ATRNL1: variants seen among roughly 807,000 people sequenced by gnomAD.
ATRNL1 encodes attractin like 1.
Under a neutral mutation model 182.7 loss-of-function variants are expected in ATRNL1, and 95 were observed. The observed-to-expected ratio is 0.52, with a 90% CI of 0.44 to 0.62. The LOEUF (loss-of-function observed/expected upper bound fraction) is 0.62. Ranked by LOEUF, ATRNL1 falls within the 20% of genes least tolerant of loss-of-function variation. The pLI, the probability that ATRNL1 is intolerant of heterozygous loss-of-function variation, is 0.00. For missense variants in ATRNL1, 1,471 were observed against 1,679.5 expected (o/e 0.88, Z 2.17); for synonymous variants, 576 against 568.3 (o/e 1.01, Z -0.19).
intron 20 of ATRNL1, among the ~76,000 whole-genome samples, chr10:115,398,553 A>C (rs1306211735): frequency 1.3e-5 from 2 of 151,826 alleles, no homozygotes; most frequent in Non-Finnish European, 2.9e-5. Flanking sequence ...ATTTTTGCAC[A>C]TTGTATCCTG....
intron 24 of ATRNL1, among the ~76,000 whole-genome samples, chr10:115,470,233 T>C (rs1848241413): frequency 6.9e-6 from 1 of 144,684 alleles, no homozygotes; most frequent in Non-Finnish European, 1.6e-5. Context: ...GAAAAAATTT[T>C]TCTTCTTATT....
chr10:115,802,021 A>AACACACACAC (rs60513803), intron 27 of ATRNL1, among the ~76,000 whole-genome samples: 1,567 of 125,972 alleles, frequency 0.012, 29 homozygotes, highest in African/African-American at 0.029. Context: ...AAAAAAAAGA[A>AACACACACAC]ACACACACAC....
At chr10:115,847,291 A>G (rs1950951215) in intron 27 of ATRNL1, among the ~76,000 whole-genome samples, 1 of 152,044 alleles carries the variant, frequency 6.6e-6, no homozygotes, top group Non-Finnish European at 1.5e-5. Context: ...TATAGATCTA[A>G]TGTAAGCAGG....
At chr10:115,669,156 T>C (rs2532733) in intron 26 of ATRNL1, among the ~76,000 whole-genome samples, 37,813 of 152,052 alleles carry the variant, frequency 0.25, 4,881 homozygotes, top group East Asian at 0.38. Flanking sequence ...TTTAAAGTGG[T>C]CCACTACCCC....
At chr10:115,667,031 C>T (rs2133918502) in intron 26 of ATRNL1, among the ~76,000 whole-genome samples, 1 of 152,210 alleles carries the variant, frequency 6.6e-6, no homozygotes, top group Non-Finnish European at 1.5e-5. Context: ...AATAGCACAG[C>T]TTTTATATGA....
At chr10:115,541,318 T>G (rs1554991913) in intron 25 of ATRNL1, among the ~76,000 whole-genome samples, 1 of 152,186 alleles carries the variant, frequency 6.6e-6, no homozygotes, top group Non-Finnish European at 1.5e-5. Context: ...GTGCTCAACT[T>G]AATTTTTATC....
At chr10:115,122,350 C>T (rs1274301489) in intron 3 of ATRNL1, among the ~76,000 whole-genome samples, 1 of 151,628 alleles carries the variant, frequency 6.6e-6, no homozygotes, top group Non-Finnish European at 1.5e-5. Flanking sequence ...AAAATTATAG[C>T]ATTGTATCAA....
chr10:115,254,712 T>C (rs1409585185), intron 10 of ATRNL1, among the ~76,000 whole-genome samples: 2 of 152,226 alleles, frequency 1.3e-5, no homozygotes, highest in Non-Finnish European at 2.9e-5. Flanking sequence ...TCCTTGCCCA[T>C]GCCTATGTCC....
chr10:115,423,630 A>T (rs1430686636), intron 20 of ATRNL1, among the ~76,000 whole-genome samples: 1 of 152,206 alleles, frequency 6.6e-6, no homozygotes, highest in Non-Finnish European at 1.5e-5. Flanking sequence ...AAATACACGC[A>T]TGTATACCAT....
At chr10:115,846,406 C>T (rs888902297) in intron 27 of ATRNL1, among the ~76,000 whole-genome samples, 19 of 151,960 alleles carry the variant, frequency 1.3e-4, no homozygotes, top group Non-Finnish European at 7.4e-5. Flanking sequence ...TTTCTAGAAA[C>T]GACAGTATTC....
intron 28 of ATRNL1, among the ~76,000 whole-genome samples, chr10:115,875,614 T>C (rs1466984481): frequency 2.6e-5 from 4 of 152,218 alleles, no homozygotes; most frequent in African/African-American, 9.6e-5. Context: ...CTTATGTGCA[T>C]TGAGTACCTA....
chr10:115,490,800 G>A (rs782630884), intron 24 of ATRNL1, among the ~76,000 whole-genome samples: 62 of 152,264 alleles, frequency 4.1e-4, no homozygotes, highest in Admixed American at 1.8e-3. Flanking sequence ...CTTTGGAGGA[G>A]AAGAGGTGTT....
chr10:115,505,430 C>T (rs1310373947), intron 24 of ATRNL1, among the ~76,000 whole-genome samples: 2 of 152,008 alleles, frequency 1.3e-5, no homozygotes, highest in African/African-American at 2.4e-5. Flanking sequence ...TTACAAAATA[C>T]GAAAGCAAGC....
chr10:115,315,147 C>T (rs1295174354), intron 17 of ATRNL1, among the ~76,000 whole-genome samples: 2 of 152,098 alleles, frequency 1.3e-5, no homozygotes, highest in Non-Finnish European at 2.9e-5. Flanking sequence ...CCTTACGAGG[C>T]ACAATAAGAA....
chr10:115,392,508 TCTC>T (rs1427324708), intron 19 of ATRNL1, among the ~76,000 whole-genome samples: 3 of 152,184 alleles, frequency 2.0e-5, no homozygotes, highest in African/African-American at 7.2e-5. Context: ...AATTTTCTCT[TCTC>T]CTCTATTCCA....
chr10:115,174,617 T>C (rs1783237577), intron 8 of ATRNL1, among the ~76,000 whole-genome samples: 1 of 151,970 alleles, frequency 6.6e-6, no homozygotes, highest in African/African-American at 2.4e-5. Flanking sequence ...ATCTTAGGCT[T>C]TGTTGGTCTT....
At chr10:115,142,568 C>T (rs991221602) in intron 5 of ATRNL1, among the ~76,000 whole-genome samples, 9 of 152,146 alleles carry the variant, frequency 5.9e-5, no homozygotes. Context: ...GATTTTGACT[C>T]TTACCCTAAG....
chr10:115,217,892 A>C (rs1849292615), intron 9 of ATRNL1, among the ~76,000 whole-genome samples: 1 of 152,054 alleles, frequency 6.6e-6, no homozygotes, highest in African/African-American at 2.4e-5. Flanking sequence ...AATTTGTAGT[A>C]TTCTTTAAGC....
chr10:115,556,267 G>A (rs1311320054), intron 26 of ATRNL1, among the ~76,000 whole-genome samples: 1 of 152,174 alleles, frequency 6.6e-6, no homozygotes, highest in South Asian at 2.1e-4. Flanking sequence ...CTTATTGAAA[G>A]AGCTCTTATA....
Sources: gnomAD v4.1 joint callset for allele counts (sites outside exome capture counted in the v4.1 genomes callset) on GRCh38, gnomAD v4.1.1 for gene constraint, MANE v1.5 for transcripts, NCBI Gene and HGNC (gene_info 2026-07-23, HGNC 2026-07-21) for gene names.